The following PTPRR variants were observed in gnomAD, a reference collection of about 807,000 sequenced individuals.
PTPRR encodes the protein protein tyrosine phosphatase receptor type R, also known as receptor-type tyrosine-protein phosphatase R.
Under a neutral mutation model 77.2 loss-of-function variants are expected in PTPRR, and 38 were observed. The ratio of observed to expected loss-of-function variants is 0.49; its 90% CI spans 0.38 to 0.65. The LOEUF (loss-of-function observed/expected upper bound fraction) is 0.65. Among genes scored for constraint, PTPRR ranks in the 30% least tolerant of loss-of-function variants. The pLI is 0.00. For missense variants in PTPRR, 744 were observed against 799.2 expected (o/e 0.93, Z 0.83); for synonymous variants, 299 against 283.1 (o/e 1.06, Z -0.57).
intron 2 of PTPRR, among the ~76,000 whole-genome samples, chr12:70,864,733 G>C (rs1030821253): frequency 6.6e-6 from 1 of 152,170 alleles, no homozygotes; most frequent in Admixed American, 6.5e-5. Flanking sequence ...CCTGGTGAGA[G>C]AGAATTGAAT....
chr12:70,880,833 C>T (rs548121544), intron 2 of PTPRR, among the ~76,000 whole-genome samples: 38 of 152,274 alleles, frequency 2.5e-4, no homozygotes, highest in African/African-American at 9.1e-4. Flanking sequence ...CTTATTTATG[C>T]TCCTCACCAG....
At chr12:70,904,145 G>C (rs2137129826) in intron 1 of PTPRR, among the ~76,000 whole-genome samples, 1 of 151,930 alleles carries the variant, frequency 6.6e-6, no homozygotes. Flanking sequence ...CTGGAAAATG[G>C]TTTGACAGTT....
Position 70,753,308 on chromosome 12 carries a change from G to C in PTPRR, c.738+883C>G, listed in dbSNP as rs558796112. Among the ~76,000 whole-genome samples the C allele has an allele frequency of 9.1e-4, 139 of 152,202 alleles. 1 individual carries two copies. The highest frequency in any genetic ancestry group is 3.3e-3 in the African/African-American group (136 of 41,528). Reference sequence around the variant, plus strand: ...ACACTTAGCAACATTGTTGATTGTGGAGAGAAATAAGTAACATAATGACTT... The same window carrying C: ...ACACTTAGCAACATTGTTGATTGTGCAGAGAAATAAGTAACATAATGACTT... On this transcript the variant is annotated intron_variant, in intron 5 of 13. Coordinates refer to ENST00000283228, the MANE Select transcript of PTPRR (RefSeq NM_002849.4).
chr12:70,912,486 A>G (rs142318818), intron 1 of PTPRR, among the ~76,000 whole-genome samples: 3 of 152,194 alleles, frequency 2.0e-5, no homozygotes, highest in Non-Finnish European at 4.4e-5. Context: ...AAAAGGAAAT[A>G]AAAAATAAAA....
intron 4 of PTPRR, among the ~76,000 whole-genome samples, chr12:70,760,921 C>A (rs560446034): frequency 2.0e-5 from 3 of 152,004 alleles, no homozygotes; most frequent in Non-Finnish European, 4.4e-5. Flanking sequence ...TTTTTAAAAG[C>A]GACAAATTTG....
intron 9 of PTPRR, 125 bp downstream of exon 9, chr12:70,684,579 A>C (rs1887791064): frequency 2.7e-6 from 2 of 736,564 alleles, no homozygotes; most frequent in Middle Eastern, 3.9e-4. Flanking sequence ...ATAAAAAACC[A>C]AACAAAATGA....
chr12:70,718,378 GC>G (rs1455723550), intron 6 of PTPRR, among the ~76,000 whole-genome samples: 1 of 151,946 alleles, frequency 6.6e-6, no homozygotes, highest in East Asian at 1.9e-4. Flanking sequence ...CGATTCTCCT[GC>G]CTCAGCCTCC....
At chr12:70,805,066 C>G (rs1223657625) in intron 2 of PTPRR, among the ~76,000 whole-genome samples, 1 of 151,918 alleles carries the variant, frequency 6.6e-6, no homozygotes, top group Non-Finnish European at 1.5e-5. Context: ...ACAGGAATAG[C>G]CTTTTATTTT....
At chr12:70,660,567 A>G (rs917944184) in intron 12 of PTPRR, among the ~76,000 whole-genome samples, 1 of 152,240 alleles carries the variant, frequency 6.6e-6, no homozygotes, top group Non-Finnish European at 1.5e-5. Flanking sequence ...GAAACAACAA[A>G]AAAGCCACTG....
chr12:70,725,749 A>T (rs1232220408), intron 6 of PTPRR, among the ~76,000 whole-genome samples: 1 of 152,196 alleles, frequency 6.6e-6, no homozygotes, highest in Non-Finnish European at 1.5e-5. Context: ...ATGGTAAAAC[A>T]TCCCTTAGTC....
intron 10 of PTPRR, among the ~76,000 whole-genome samples, chr12:70,667,570 T>G (rs1230757717): frequency 6.6e-6 from 1 of 152,132 alleles, no homozygotes. Flanking sequence ...AGTCAGAGGC[T>G]AGGTGGCCTT....
intron 6 of PTPRR, among the ~76,000 whole-genome samples, chr12:70,710,365 T>C (rs1347130336): frequency 1.3e-5 from 2 of 152,206 alleles, no homozygotes; most frequent in Non-Finnish European, 2.9e-5. Flanking sequence ...AAATTAAAAC[T>C]GGACTCCTTC....
intron 2 of PTPRR, among the ~76,000 whole-genome samples, chr12:70,802,326 G>A (rs1891630812): frequency 6.6e-6 from 1 of 152,122 alleles, no homozygotes; most frequent in Non-Finnish European, 1.5e-5. Flanking sequence ...ATGAAATACT[G>A]TCTCATTTAC....
At chr12:70,732,209 G>A (rs1889685751) in intron 6 of PTPRR, among the ~76,000 whole-genome samples, 1 of 152,170 alleles carries the variant, frequency 6.6e-6, no homozygotes, top group Non-Finnish European at 1.5e-5. Context: ...TCTTATTTTT[G>A]ATTAAGGTGG....
intron 7 of PTPRR, 40 bp from the exon 8 acceptor site, chr12:70,698,389 T>C: frequency 6.5e-7 from 1 of 1,543,858 alleles, no homozygotes; most frequent in Non-Finnish European, 8.9e-7. Context: ...TATCTAATAC[T>C]GCCACAAAGA....
intron 2 of PTPRR, among the ~76,000 whole-genome samples, chr12:70,792,263 A>G (rs945652623): frequency 6.6e-6 from 1 of 152,170 alleles, no homozygotes; most frequent in Non-Finnish European, 1.5e-5. Flanking sequence ...TGTTACCATA[A>G]GATAGTTTTG....
At chr12:70,673,024 G>A (rs1245773352) in intron 10 of PTPRR, 4 of 1,007,766 alleles carry the variant, frequency 4.0e-6, no homozygotes, top group African/African-American at 2.8e-5. Context: ...AATACGTCGG[G>A]CCAAAGCAAA....
chr12:70,916,155 A>G (rs1382633023), intron 1 of PTPRR, among the ~76,000 whole-genome samples: 4 of 152,122 alleles, frequency 2.6e-5, no homozygotes, highest in African/African-American at 7.2e-5. Flanking sequence ...GATGGGGGGA[A>G]GGGAAAATGA....
intron 10 of PTPRR, among the ~76,000 whole-genome samples, chr12:70,671,335 T>A (rs2136697108): frequency 6.6e-6 from 1 of 152,248 alleles, no homozygotes; most frequent in South Asian, 2.1e-4. Context: ...AATAACAAAA[T>A]TTTTATTGTA....
Sources: gnomAD v4.1 joint callset for allele counts (sites outside exome capture counted in the v4.1 genomes callset) on GRCh38, gnomAD v4.1.1 for gene constraint, MANE v1.5 for transcripts, NCBI Gene and HGNC (gene_info 2026-07-23, HGNC 2026-07-21) for gene names.